GADL1: variants seen among roughly 807,000 people sequenced by gnomAD.
GADL1 encodes GAD like acidic amino acid decarboxylase 1.
Under a neutral mutation model 69.5 loss-of-function variants are expected in GADL1, and 71 were observed. That is an observed-to-expected ratio of 1.02 (90% confidence interval 0.84 to 1.25). The LOEUF (loss-of-function observed/expected upper bound fraction) is 1.25, where lower values mean the gene tolerates loss of function less well. GADL1 is among the 50% of genes most tolerant of loss of function. The pLI is 0.00. For missense variants in GADL1, 737 were observed against 631.8 expected, an observed-to-expected ratio of 1.17 and a Z score of -1.79; for synonymous variants, 254 against 214.4, an observed-to-expected ratio of 1.18 and a Z score of -1.62.
At chr3:30,772,251 C>T (rs1335644052) in intron 14 of GADL1, among the ~76,000 whole-genome samples, 1 of 152,172 alleles carries the variant, frequency 6.6e-6, no homozygotes, top group Non-Finnish European at 1.5e-5. Flanking sequence ...AGTCACAAAT[C>T]TGCAGGTCAG....
chr3:30,774,059 G>T (rs1235810942), intron 14 of GADL1, among the ~76,000 whole-genome samples: 2 of 152,096 alleles, frequency 1.3e-5, no homozygotes, highest in Admixed American at 6.6e-5. Flanking sequence ...AGATTCGATT[G>T]GTAAGATATG....
At chr3:30,828,491 G>A (rs1298817720) in intron 11 of GADL1, among the ~76,000 whole-genome samples, 2 of 149,276 alleles carry the variant, frequency 1.3e-5, no homozygotes, top group Admixed American at 6.7e-5. Context: ...GGGGGGGTGC[G>A]GGGGAGGGTC....
chr3:30,762,534 T>C (rs1486957154), intron 14 of GADL1, among the ~76,000 whole-genome samples: 1 of 152,138 alleles, frequency 6.6e-6, no homozygotes, highest in East Asian at 1.9e-4. Context: ...GTACATAAGA[T>C]GTTTTGATAC....
At chr3:30,827,769 C>G (rs578047221) in intron 11 of GADL1, among the ~76,000 whole-genome samples, 2 of 151,976 alleles carry the variant, frequency 1.3e-5, no homozygotes, top group African/African-American at 4.8e-5. Flanking sequence ...TGAATGAATT[C>G]TCTCTGTTTG....
chr3:30,842,992 T>C (rs1460373824), intron 8 of GADL1, among the ~76,000 whole-genome samples: 3 of 151,790 alleles, frequency 2.0e-5, no homozygotes, highest in Non-Finnish European at 4.4e-5. Context: ...AACAGAACTA[T>C]AATATTCAAA....
At chr3:30,827,001 C>G (rs1181780883) in intron 11 of GADL1, among the ~76,000 whole-genome samples, 1 of 151,682 alleles carries the variant, frequency 6.6e-6, no homozygotes, top group African/African-American at 2.4e-5. Context: ...ATTTCCATAC[C>G]CCTTCAAAAA....
intron 12 of GADL1, among the ~76,000 whole-genome samples, chr3:30,797,009 C>T (rs1213340514): frequency 6.6e-6 from 1 of 152,200 alleles, no homozygotes; most frequent in Admixed American, 6.5e-5. Context: ...CACTTCCCAC[C>T]TCCTCACATT....
At chr3:30,870,954 T>C (rs1698471408) in intron 1 of GADL1, among the ~76,000 whole-genome samples, 1 of 151,412 alleles carries the variant, frequency 6.6e-6, no homozygotes, top group African/African-American at 2.4e-5. Flanking sequence ...TTTTGACAAA[T>C]TCATAGGAAT....
intron 5 of GADL1, among the ~76,000 whole-genome samples, chr3:30,850,622 T>C (rs577944994): frequency 2.4e-4 from 36 of 152,188 alleles, no homozygotes; most frequent in Non-Finnish European, 4.1e-4. Context: ...TCCTAAACTG[T>C]AGGCACCTCA....
At chr3:30,793,330 T>C (rs900568868) in intron 12 of GADL1, among the ~76,000 whole-genome samples, 8 of 152,176 alleles carry the variant, frequency 5.3e-5, no homozygotes, top group Non-Finnish European at 1.0e-4. Flanking sequence ...GGATGACTTA[T>C]TCCTCGTAAC....
chr3:30,788,552 A>G lies in GADL1; in HGVS notation c.1251-2146T>C, dbSNP rs192205355. Among the ~76,000 whole-genome samples, 548 of 152,284 alleles carry G rather than the reference A, an allele frequency of 3.6e-3. 2 individuals are homozygous for G. Among genetic ancestry groups the G allele is most frequent in the African/African-American group, 0.012 (497 of 41,572 alleles). ...CGGGGTGGCTGGGACAATTTCTTAC[A>G]ATAAGGCAACAATGAAGTTTGCCAC... On this transcript the variant is annotated intron_variant, in intron 12 of 14. Transcript: ENST00000282538.
intron 14 of GADL1, among the ~76,000 whole-genome samples, chr3:30,773,062 G>GGA (rs1205845727): frequency 6.6e-6 from 1 of 151,944 alleles, no homozygotes; most frequent in Non-Finnish European, 1.5e-5. Context: ...ACAATACCTG[G>GGA]GAACACATCA....
intron 1 of GADL1, among the ~76,000 whole-genome samples, chr3:30,881,982 C>T (rs1698648835): frequency 6.6e-6 from 1 of 151,980 alleles, no homozygotes; most frequent in East Asian, 1.9e-4. Flanking sequence ...CAATCTTGGA[C>T]TTCTTAGCTC....
rs976354930 is a variant in GADL1 at position 30,726,511 on chromosome 3, A to G, written c.*1731T>C. 1.3e-5 allele frequency: 2 copies of G among 152,002 alleles called. No homozygotes were observed. Among genetic ancestry groups the G allele is most frequent in the African/African-American group, 4.8e-5 (2 of 41,374 alleles). 9.4% of individuals were successfully genotyped at this position (152,002 alleles called of 1,614,324 possible). A position where few individuals can be genotyped will look rare whatever the true frequency, so the allele number is the denominator to read the frequency against. ...CACACACACACACACACACACACCAATAGGTTTCACCTGAGAATTTGAAGT... is the reference window on the plus strand; with the variant it reads ...CACACACACACACACACACACACCAGTAGGTTTCACCTGAGAATTTGAAGT... On this transcript the variant is annotated 3_prime_UTR_variant, in exon 15 of 15. Transcript: ENST00000282538.
chr3:30,831,145 T>C (rs1184452673), intron 11 of GADL1, among the ~76,000 whole-genome samples: 2 of 151,986 alleles, frequency 1.3e-5, no homozygotes, highest in African/African-American at 4.8e-5. Context: ...TTCCAATAAC[T>C]CTTTTAGTTC....
intron 1 of GADL1, among the ~76,000 whole-genome samples, chr3:30,866,436 G>T (rs1385754822): frequency 6.6e-6 from 1 of 152,080 alleles, no homozygotes; most frequent in Non-Finnish European, 1.5e-5. Context: ...TTCAGCCTGG[G>T]CAAAAGAGTG....
intron 11 of GADL1, among the ~76,000 whole-genome samples, chr3:30,811,064 C>A (rs1033192494): frequency 6.6e-6 from 1 of 152,260 alleles, no homozygotes; most frequent in Admixed American, 6.5e-5. Context: ...CTTCCAGAAA[C>A]CCTCTTGGAA....
Position 30,750,676 on chromosome 3 carries a change from A to G in GADL1, c.1393-22261T>C, listed in dbSNP as rs138142258. On this transcript the variant is annotated intron_variant, in intron 14 of 14. Coordinates refer to ENST00000282538, the MANE Select transcript of GADL1 (RefSeq NM_207359.3). Reference sequence around the variant, plus strand: ...TTTTTTTAACACAATTGCTACAGCTAATTGTCAATATTAACAACACACGCA... The same window carrying G: ...TTTTTTTAACACAATTGCTACAGCTGATTGTCAATATTAACAACACACGCA... 5.9e-5 allele frequency among the ~76,000 whole-genome samples: 9 copies of G among 152,252 alleles called. No individual in the cohort carries two copies. In the East Asian group the frequency reaches 1.7e-3, roughly 29 times the overall value.
intron 14 of GADL1, among the ~76,000 whole-genome samples, chr3:30,751,993 AAAT>A (rs1008240878): frequency 2.0e-4 from 21 of 104,622 alleles, no homozygotes; most frequent in African/African-American, 1.1e-3. Flanking sequence ...ATGGCTGTCT[AAAT>A]AAGATAGGAC....
Sources: gnomAD v4.1 joint callset for allele counts (sites outside exome capture counted in the v4.1 genomes callset) on GRCh38, gnomAD v4.1.1 for gene constraint, MANE v1.5 for transcripts, NCBI Gene and HGNC (gene_info 2026-07-23, HGNC 2026-07-21) for gene names.